MORC4: variants seen among roughly 807,000 people sequenced by gnomAD.
MORC4 encodes MORC family CW-type zinc finger 4.
In MORC4, 22 loss-of-function variants were observed where a neutral mutation model predicts 65.5. The ratio of observed to expected loss-of-function variants is 0.34; its 90% confidence interval spans 0.24 to 0.48. The LOEUF (loss-of-function observed/expected upper bound fraction) is 0.48, where lower values mean the gene tolerates loss of function less well. Ranked by LOEUF, MORC4 falls within the 20% of genes least tolerant of loss-of-function variation. The pLI, the probability that MORC4 is intolerant of heterozygous loss-of-function variation, is 0.99. For missense variants in MORC4, 624 were observed against 703.0 expected, an observed-to-expected ratio of 0.89 and a Z score of 1.27; for synonymous variants, 267 against 255.8, an observed-to-expected ratio of 1.04 and a Z score of -0.42.
rs895871641 is a variant in MORC4 at position 106,954,978 on chromosome X, T to G, written c.1620A>C (p.Gly540=). The change falls in exon 14 of 17, where the codon GGA becomes GGC. Residue 540 remains glycine, a synonymous_variant. Coordinates refer to ENST00000355610, the MANE Select transcript of MORC4 (RefSeq NM_024657.5). ...IHSPSVLPSG[G]EESRSPSLQL... ...GAAGAGATGGTGATCTGCTTTCTTCTCCACCAGAAGGAAGCACACTAGGGC... is the reference window on the plus strand; with the variant it reads ...GAAGAGATGGTGATCTGCTTTCTTCGCCACCAGAAGGAAGCACACTAGGGC... The G allele has an allele frequency of 6.6e-6, 8 of 1,209,646 alleles. No individual in the cohort carries two copies. The highest frequency in any genetic ancestry group is 2.3e-4 in the Middle Eastern group (1 of 4,352).
chrX:106,943,234 C>A, intron 14 of MORC4, 29 bp from the exon 15 acceptor site: 1 of 1,097,878 alleles, frequency 9.1e-7, no homozygotes, highest in Admixed American at 2.3e-5. Flanking sequence ...AAATTGTAAG[C>A]TGTCAGAGTA....
chrX:106,998,249 A>C (rs1935113120), intron 2 of MORC4, among the ~76,000 whole-genome samples: 1 of 112,352 alleles, frequency 8.9e-6, no homozygotes, highest in Admixed American at 9.4e-5. Context: ...TGGTCTTAAA[A>C]TCTATGTTTG....
chrX:106,994,413 T>C (rs956444453), intron 2 of MORC4, among the ~76,000 whole-genome samples: 5 of 111,960 alleles, frequency 4.5e-5, no homozygotes, highest in Non-Finnish European at 9.4e-5. Flanking sequence ...TATACTGCTT[T>C]AGTGATACCA....
chrX:106,999,825 A>G, intron 1 of MORC4, 43 bp downstream of exon 1: 1 of 880,215 alleles, frequency 1.1e-6, no homozygotes, highest in African/African-American at 2.2e-5. Flanking sequence ...CCCGCAGCCC[A>G]GGGGCCCGCG....
intron 2 of MORC4, among the ~76,000 whole-genome samples, chrX:106,997,798 C>G (rs1602513763): frequency 1.8e-5 from 2 of 111,380 alleles, no homozygotes; most frequent in African/African-American, 3.3e-5. Flanking sequence ...GGAATTCCTC[C>G]CCGCCCATAT....
intron 14 of MORC4, among the ~76,000 whole-genome samples, chrX:106,947,624 A>G (rs1255374947): frequency 1.0e-5 from 1 of 98,501 alleles, no homozygotes; most frequent in Non-Finnish European, 2.0e-5. Flanking sequence ...CTTTAGATGC[A>G]AAGATACAGA....
intron 16 of MORC4, 111 bp downstream of exon 16, chrX:106,941,827 G>T: frequency 2.2e-6 from 2 of 894,002 alleles, no homozygotes; most frequent in Non-Finnish European, 3.1e-6. Flanking sequence ...CTCAATTCTT[G>T]GTGGCCTGTG....
Position 106,942,726 on chromosome X carries a change from C to T in MORC4, c.2165G>A (p.Arg722Gln), listed in dbSNP as rs149926328. ...PFNREELAER[R>Q]KAVESWNPVP... is the part of the protein sequence containing the mutation. The stretch of plus-strand genomic sequence containing the variant: ...TGGGTTCCAGGATTCAACTGCTTTT[C>T]GTCTCTCAGCAAGCTCCTCTCTGTT... Residue 722 changes from arginine (R) to glutamine (Q), a missense_variant, in exon 15 of 17, where the codon CGA becomes CAA. Coordinates refer to ENST00000355610, the MANE Select transcript of MORC4 (RefSeq NM_024657.5). 7.4e-6 allele frequency: 9 copies of T among 1,209,599 alleles called. No homozygotes were observed. The highest frequency in any genetic ancestry group is 8.9e-6 in the Non-Finnish European group (8 of 895,074).
In MORC4 at chrX:106,978,149, C is replaced by T; in HGVS notation, c.987G>A (p.Gln329=). 8.3e-7 allele frequency: 1 copy of T among 1,207,889 alleles called. No homozygotes were observed. Among genetic ancestry groups the T allele is most frequent in the South Asian group, 1.8e-5 (1 of 56,620 alleles). The change falls in exon 8 of 17, where the codon CAG becomes CAA. Residue 329 remains glutamine, a synonymous_variant. Transcript: ENST00000355610. ...TFGFSCKNSN[Q]FGIMMYHNNR... is the part of the protein sequence containing the mutation. ...TGTTATGATACATCATTATTCCAAA[C>T]TGGTTACTATTCTTGCAAGAGAACC...
At position 106,976,593 on chromosome X, in the gene MORC4, T is replaced by G. The variant is rs1208905259; in HGVS notation, c.1148A>C (p.Lys383Thr). The G allele has an allele frequency of 8.3e-7, 1 of 1,199,463 alleles. No homozygotes were observed. The highest frequency in any genetic ancestry group is 1.1e-6 in the Non-Finnish European group (1 of 884,673). The part of the protein sequence containing the change: ...AYNKQDFEYT[K>T]EYRLTINALA... ...GTTGGGAGTGACTCACCGGTACTCC[T>G]TGGTATACTCAAAGTCTTGTTTGTT... Residue 383 changes from lysine to threonine, a missense_variant, in exon 9 of 17, where the codon AAG becomes ACG. By Grantham distance (78) the Lys-to-Thr change is moderately conservative (BLOSUM62 -1). Coordinates refer to ENST00000355610, the MANE Select transcript of MORC4 (RefSeq NM_024657.5).
chrX:106,972,277 T>C (rs1934534704), intron 9 of MORC4, among the ~76,000 whole-genome samples: 1 of 109,572 alleles, frequency 9.1e-6, no homozygotes, highest in East Asian at 2.9e-4. Context: ...TGAGAACACA[T>C]GGACACAGGG....
rs1934154781 is a variant in MORC4, at chrX:106,958,198, G to A, written c.1385+138C>T. The A allele has an allele frequency of 1.7e-5, 9 of 515,777 alleles. No homozygotes were observed. The South Asian group carries it at 3.8e-4, about 22-fold the overall frequency. 42.5% of individuals were successfully genotyped at this position (515,777 alleles called of 1,213,427 possible). ...TAAGATACCACGAAATGTAAGGCTAGATAGGTAAGCTGGGGTCAGTCAGCA... is the reference window on the plus strand; with the variant it reads ...TAAGATACCACGAAATGTAAGGCTAAATAGGTAAGCTGGGGTCAGTCAGCA... On this transcript the variant is annotated intron_variant, in intron 11 of 16. Coordinates refer to ENST00000355610, the MANE Select transcript of MORC4 (RefSeq NM_024657.5).
intron 7 of MORC4, among the ~76,000 whole-genome samples, chrX:106,979,607 T>C (rs1011367067): frequency 9.0e-6 from 1 of 111,203 alleles, no homozygotes; most frequent in Non-Finnish European, 1.9e-5. Context: ...ACTTTCATTT[T>C]ACTCATGTCT....
chrX:106,993,360 T>C lies in MORC4; in HGVS notation c.178A>G (p.Asn60Asp). 1 of 1,206,408 alleles carries C rather than the reference T, an allele frequency of 8.3e-7. No individual in the cohort carries two copies. The highest frequency in any genetic ancestry group is 1.1e-6 in the Non-Finnish European group (1 of 892,992). The change falls in exon 3 of 17, where the codon AAT becomes GAT. Residue 60 changes from asparagine to aspartate, a missense_variant and splice_region_variant. By Grantham distance (23) the Asn-to-Asp change is conservative (BLOSUM62 1). Transcript: ENST00000355610. ...PFSAIAELLD[N>D]AVDPDVSART... is the part of the protein sequence containing the mutation. ...GCAGATACATCTGGATCTACAGCATTATCTGCAAAAGGTAGAAATCTGCGA... is the reference window on the plus strand; with the variant it reads ...GCAGATACATCTGGATCTACAGCATCATCTGCAAAAGGTAGAAATCTGCGA...
At position 106,993,343 on chromosome X, in the gene MORC4, A is replaced by G. The variant is rs777004696; in HGVS notation, c.195T>C (p.Asp65=). The part of the protein sequence containing the change: ...AELLDNAVDP[D]VSARTVFIDV... ...CTATAAAGACCGTCCTGGCAGATACATCTGGATCTACAGCATTATCTGCAA... is the reference window on the plus strand; with the variant it reads ...CTATAAAGACCGTCCTGGCAGATACGTCTGGATCTACAGCATTATCTGCAA... The change falls in exon 3 of 17, where the codon GAT becomes GAC. Residue 65 remains aspartate, a synonymous_variant. Coordinates refer to ENST00000355610, the MANE Select transcript of MORC4 (RefSeq NM_024657.5). 31 of 1,207,098 alleles carry G rather than the reference A, an allele frequency of 2.6e-5. No homozygotes were observed. The Admixed American group carries it at 6.8e-4, about 27-fold the overall frequency.
In MORC4 at chrX:106,943,055, A is replaced by G. The variant is rs1467145652; in HGVS notation, c.1836T>C (p.His612=). The G allele has an allele frequency of 8.3e-7, 1 of 1,211,592 alleles. No homozygotes were observed. The highest frequency in any genetic ancestry group is 1.8e-5 in the South Asian group (1 of 56,974). ...TACTTCTCTCAGAACTCGATTTATCATGGCTGTTCTCCCCTTCTGGGTAGG... is the reference window on the plus strand; with the variant it reads ...TACTTCTCTCAGAACTCGATTTATCGTGGCTGTTCTCCCCTTCTGGGTAGG... ...PVAYPEGENS[H]DKSSSERSTP... Residue 612 remains histidine (H), a synonymous_variant, in exon 15 of 17, where the codon CAT becomes CAC. Transcript: ENST00000355610.
In MORC4 at chrX:106,976,571, G is replaced by C. The variant is rs745604649; in HGVS notation, c.1157+13C>G. The stretch of plus-strand genomic sequence containing the variant: ...CAAACTAACGGAAGCACCTCAGGTT[G>C]GGAGTGACTCACCGGTACTCCTTGG... On this transcript the variant is annotated intron_variant, in intron 9 of 16. Coordinates refer to ENST00000355610, the MANE Select transcript of MORC4 (RefSeq NM_024657.5). The C allele has an allele frequency of 8.9e-7, 1 of 1,125,788 alleles. No homozygotes were observed. Among genetic ancestry groups the C allele is most frequent in the Non-Finnish European group, 1.2e-6 (1 of 818,754 alleles). 92.8% of individuals were successfully genotyped at this position (1,125,788 alleles called of 1,213,427 possible).
At chrX:106,951,751 A>G (rs1933973028) in intron 14 of MORC4, among the ~76,000 whole-genome samples, 1 of 110,761 alleles carries the variant, frequency 9.0e-6, no homozygotes, top group South Asian at 3.8e-4. Flanking sequence ...TAATCCCAGC[A>G]CTTTGGGAGG....
In MORC4 at chrX:106,984,294, T is replaced by A. The variant is rs370331501; in HGVS notation, c.674+802A>T. 6.2e-4 allele frequency among the ~76,000 whole-genome samples: 66 copies of A among 106,213 alleles called. No homozygotes were observed. The South Asian group carries it at 9.6e-3, about 16-fold the overall frequency. 92.2% of individuals were successfully genotyped at this position (106,213 alleles called of 115,157 possible). ...GAGACTCTGTCTCAAAAAAAAAAAATGTCCATGAATATGAAATAGATATTT... is the reference window on the plus strand; with the variant it reads ...GAGACTCTGTCTCAAAAAAAAAAAAAGTCCATGAATATGAAATAGATATTT... On this transcript the variant is annotated intron_variant, in intron 5 of 16. Transcript: ENST00000355610.
Sources: gnomAD v4.1 joint callset for allele counts (sites outside exome capture counted in the v4.1 genomes callset) on GRCh38, gnomAD v4.1.1 for gene constraint, MANE v1.5 for transcripts, NCBI Gene and HGNC (gene_info 2026-07-23, HGNC 2026-07-21) for gene names.